NHEJ1: variants seen among roughly 807,000 people sequenced by gnomAD.
The protein encoded by NHEJ1 is non-homologous end-joining factor 1.
NHEJ1 carries 22 observed loss-of-function variants against 39.4 expected under a neutral mutation model. The observed-to-expected ratio is 0.56, with a 90% CI of 0.40 to 0.80. NHEJ1 has a LOEUF of 0.80. NHEJ1 is among the 30% of genes least tolerant of loss of function. NHEJ1 has a pLI of 0.00. For synonymous variants in NHEJ1, 154 were observed against 135.6 expected, an observed-to-expected ratio of 1.14 and a Z score of -0.94; for missense variants, 329 against 357.1, an observed-to-expected ratio of 0.92 and a Z score of 0.63.
intron 5 of NHEJ1, among the ~76,000 whole-genome samples, chr2:219,091,169 A>G (rs1296031600): frequency 6.6e-6 from 1 of 152,106 alleles, no homozygotes; most frequent in Admixed American, 6.5e-5. Context: ...GTTTATCCCA[A>G]TTCCAGCTGA....
chr2:219,080,924 A>G (rs6757875), intron 5 of NHEJ1, among the ~76,000 whole-genome samples: 5,334 of 152,082 alleles, frequency 0.035, 327 homozygotes, highest in African/African-American at 0.12. Flanking sequence ...TTAGAGGCCG[A>G]GCAGTCTGGC....
chr2:219,149,953 C>T (rs11679511), intron 3 of NHEJ1, among the ~76,000 whole-genome samples: 75,877 of 152,094 alleles, frequency 0.5, 21,258 homozygotes, highest in Non-Finnish European at 0.63. Context: ...CCATAGTATG[C>T]CAACCCCTGT....
At chr2:219,121,653 C>A (rs535520718) in intron 5 of NHEJ1, among the ~76,000 whole-genome samples, 57 of 152,070 alleles carry the variant, frequency 3.7e-4, no homozygotes, top group African/African-American at 1.3e-3. Context: ...CCAGCCTGGG[C>A]AACATGGTGA....
chr2:219,157,336 T>C, intron 3 of NHEJ1, 136 bp downstream of exon 3: 2 of 736,178 alleles, frequency 2.7e-6, no homozygotes, highest in Non-Finnish European at 4.7e-6. Flanking sequence ...CCTTTTTGCC[T>C]TCTGTTTAGT....
intron 3 of NHEJ1, among the ~76,000 whole-genome samples, chr2:219,152,172 T>C (rs898019445): frequency 6.6e-6 from 1 of 152,208 alleles, no homozygotes; most frequent in Non-Finnish European, 1.5e-5. Flanking sequence ...ATGAGGCCTC[T>C]GCCATCAAAG....
rs751272443 is a variant in NHEJ1 at position 219,077,383 on chromosome 2, A to C, written c.707-19T>G. 3 of 1,558,620 alleles carry C rather than the reference A, an allele frequency of 1.9e-6. No individual in the cohort carries two copies. Among genetic ancestry groups the C allele is most frequent in the Non-Finnish European group, 2.7e-6 (3 of 1,129,444 alleles). Reference sequence around the variant, plus strand: ...GGATCTCCTGAAATCAGAAAGATCAAGAGAAGATAGTGATAAATGCCTTCT... The same window carrying C: ...GGATCTCCTGAAATCAGAAAGATCACGAGAAGATAGTGATAAATGCCTTCT... On this transcript the variant is annotated intron_variant, in intron 6 of 7. Transcript: ENST00000356853.
At chr2:219,160,207 C>G (rs1949918203) in intron 1 of NHEJ1, among the ~76,000 whole-genome samples, 1 of 152,224 alleles carries the variant, frequency 6.6e-6, no homozygotes, top group African/African-American at 2.4e-5. Flanking sequence ...GAGTCCGCTC[C>G]TCAGCAGTGA....
chr2:219,155,117 T>C (rs904555995), intron 3 of NHEJ1, among the ~76,000 whole-genome samples: 1 of 151,790 alleles, frequency 6.6e-6, no homozygotes, highest in Non-Finnish European at 1.5e-5. Flanking sequence ...ACAATCACAC[T>C]ACATATTCCG....
At position 219,074,043 on chromosome 2, in the gene NHEJ1, G is replaced by C. The variant is rs1012811519; in HGVS notation, c.*2338C>G. On this transcript the variant is annotated 3_prime_UTR_variant, in exon 8 of 8. Transcript: ENST00000356853. ...TCAACCACTACCCCTAGCTTTGCGG[G>C]GTAAGGGCTTCGGGGCAAGAATGCC... 6.6e-6 allele frequency among the ~76,000 whole-genome samples: 1 copy of C among 152,236 alleles called. No homozygotes were observed. Among genetic ancestry groups the C allele is most frequent in the Admixed American group, 6.5e-5 (1 of 15,284 alleles).
At position 219,098,785 on chromosome 2, in the gene NHEJ1, T is replaced by C. The variant is rs952116650; in HGVS notation, c.589-20579A>G. Among the ~76,000 whole-genome samples the C allele has an allele frequency of 2.0e-5, 3 of 152,172 alleles. No homozygotes were observed. In the East Asian group the frequency reaches 5.8e-4, roughly 29 times the overall value. On this transcript the variant is annotated intron_variant, in intron 5 of 7. Coordinates refer to ENST00000356853, the MANE Select transcript of NHEJ1 (RefSeq NM_024782.3). Reference sequence around the variant, plus strand: ...GGGCAACACAGCGAGAGTCTGTCTCTAAAAAAATTTTTTAAATAAATAAAT... The same window carrying C: ...GGGCAACACAGCGAGAGTCTGTCTCCAAAAAAATTTTTTAAATAAATAAAT...
At chr2:219,101,035 A>G (rs981323142) in intron 5 of NHEJ1, among the ~76,000 whole-genome samples, 1 of 152,228 alleles carries the variant, frequency 6.6e-6, no homozygotes, top group African/African-American at 2.4e-5. Flanking sequence ...AACATCCCAA[A>G]TGGGATCACA....
chr2:219,082,747 C>T (rs58807393), intron 5 of NHEJ1, among the ~76,000 whole-genome samples: 2,456 of 152,328 alleles, frequency 0.016, 70 homozygotes, highest in African/African-American at 0.056. Flanking sequence ...CACTGACCAT[C>T]ACAACATCAC....
chr2:219,148,390 C>CA (rs893055153), intron 3 of NHEJ1, among the ~76,000 whole-genome samples: 10 of 151,464 alleles, frequency 6.6e-5, no homozygotes, highest in African/African-American at 1.9e-4. Context: ...CCATCTCTAC[C>CA]AAAAAAAAAT....
At chr2:219,107,953 C>G (rs1425154318) in intron 5 of NHEJ1, among the ~76,000 whole-genome samples, 1 of 152,072 alleles carries the variant, frequency 6.6e-6, no homozygotes, top group East Asian at 1.9e-4. Flanking sequence ...AAAAATCCCA[C>G]CCAGACCACT....
intron 3 of NHEJ1, among the ~76,000 whole-genome samples, chr2:219,153,699 G>T (rs369392870): frequency 7.7e-6 from 1 of 129,576 alleles, no homozygotes. Context: ...AAAAGGGGGG[G>T]GGGGTGGAGA....
intron 5 of NHEJ1, chr2:219,102,508 C>G (rs1949271140): frequency 6.6e-6 from 1 of 151,914 alleles, no homozygotes; most frequent in African/African-American, 2.4e-5. Context: ...CCCAGGAGTT[C>G]TAGGCTGTAG....
chr2:219,102,387 A>G (rs867621564), intron 5 of NHEJ1: 1 of 152,130 alleles, frequency 6.6e-6, no homozygotes, highest in African/African-American at 2.4e-5. Context: ...TTGGTTTTCT[A>G]TATTTTAGTG....
intron 5 of NHEJ1, among the ~76,000 whole-genome samples, chr2:219,132,074 C>A (rs2106351638): frequency 6.6e-6 from 1 of 152,310 alleles, no homozygotes; most frequent in East Asian, 1.9e-4. Flanking sequence ...CTTGATATAG[C>A]CTTAGACTGA....
At chr2:219,154,675 A>G (rs1260074646) in intron 3 of NHEJ1, among the ~76,000 whole-genome samples, 1 of 151,910 alleles carries the variant, frequency 6.6e-6, no homozygotes, top group Non-Finnish European at 1.5e-5. Flanking sequence ...TCTTTTAATG[A>G]TGAGTATTTT....
Sources: gnomAD v4.1 joint callset for allele counts (sites outside exome capture counted in the v4.1 genomes callset) on GRCh38, gnomAD v4.1.1 for gene constraint, MANE v1.5 for transcripts, NCBI Gene and HGNC (gene_info 2026-07-23, HGNC 2026-07-21) for gene names.